EPHX1: variants seen among roughly 807,000 people sequenced by gnomAD.
EPHX1 encodes epoxide hydrolase 1, also known as epoxide hydratase.
EPHX1 carries 40 observed loss-of-function variants against 43.2 expected under a neutral mutation model. That is an observed-to-expected ratio of 0.93 (90% CI 0.72 to 1.21). The LOEUF is 1.21. Among genes scored for constraint, EPHX1 ranks in the 50% most tolerant of loss-of-function variants. EPHX1 has a pLI of 0.00. For missense variants in EPHX1, 550 were observed against 570.4 expected (o/e 0.96, Z 0.36); for synonymous variants, 221 against 226.7 (o/e 0.98, Z 0.22).
intron 3 of EPHX1, among the ~76,000 whole-genome samples, chr1:225,835,349 G>C (rs113513973): frequency 2.0e-5 from 3 of 149,742 alleles, no homozygotes; most frequent in African/African-American, 7.4e-5. Flanking sequence ...CTCTCAAGTA[G>C]CTGGGACCAC....
intron 1 of EPHX1, among the ~76,000 whole-genome samples, chr1:225,812,891 C>T (rs1666552480): frequency 6.6e-6 from 1 of 152,198 alleles, no homozygotes; most frequent in Admixed American, 6.5e-5. Flanking sequence ...AAACCCACCT[C>T]TGCTAGGGCC....
chr1:225,828,943 C>A, intron 2 of EPHX1, 31 bp downstream of exon 2: 1 of 1,553,150 alleles, frequency 6.4e-7, no homozygotes. Flanking sequence ...CCGGGCTGGG[C>A]AGTGGAGAGG....
intron 1 of EPHX1, among the ~76,000 whole-genome samples, chr1:225,826,897 G>A (rs577405304): frequency 1.3e-5 from 2 of 152,214 alleles, no homozygotes; most frequent in East Asian, 3.9e-4. Context: ...AGGGCCTGAG[G>A]GTGGGAAGCT....
At position 225,841,884 on chromosome 1, in the gene EPHX1, A is replaced by G. The variant is rs543798209; in HGVS notation, c.932-482A>G. The stretch of plus-strand genomic sequence containing the variant: ...CTCCCAAAGTGCTGGGATTACAGGC[A>G]TGAGCCAATGCCCCCAGCCTGTTCC... On this transcript the variant is annotated intron_variant, in intron 6 of 8. Coordinates refer to ENST00000272167, the MANE Select transcript of EPHX1 (RefSeq NM_001136018.4). Among the ~76,000 whole-genome samples, 13 of 152,270 alleles carry G rather than the reference A, an allele frequency of 8.5e-5. No individual in the cohort carries two copies. The South Asian group carries it at 1.5e-3, about 17-fold the overall frequency.
At chr1:225,839,438 A>G in intron 5 of EPHX1, 92 bp downstream of exon 5, 6 of 1,571,810 alleles carry the variant, frequency 3.8e-6, no homozygotes, top group South Asian at 1.1e-5. Flanking sequence ...GGGTGGGCCA[A>G]GGACCCCCCA....
intron 3 of EPHX1, among the ~76,000 whole-genome samples, chr1:225,838,216 G>C (rs973764730): frequency 6.6e-6 from 1 of 152,188 alleles, no homozygotes; most frequent in African/African-American, 2.4e-5. Context: ...CTGGACTCCA[G>C]TATACTGTCA....
At chr1:225,835,902 G>A (rs1342643567) in intron 3 of EPHX1, among the ~76,000 whole-genome samples, 2 of 152,042 alleles carry the variant, frequency 1.3e-5, no homozygotes, top group African/African-American at 4.8e-5. Context: ...CTCCAAAAGA[G>A]CCAGTTTCCA....
intron 1 of EPHX1, among the ~76,000 whole-genome samples, chr1:225,815,870 A>ATC (rs1666701646): frequency 6.6e-6 from 1 of 152,218 alleles, no homozygotes; most frequent in African/African-American, 2.4e-5. Flanking sequence ...TTGTTGAGGA[A>ATC]AAGACACCTT....
Position 225,839,759 on chromosome 1 carries a change from C to T in EPHX1, c.723-70C>T, listed in dbSNP as rs556030923. ...TCCTCAGCCCTGAGGCCTGTTCCTC[C>T]GCCATCTCTCCTCTCTCCCTGTCCT... On this transcript the variant is annotated intron_variant, in intron 5 of 8. Transcript: ENST00000272167. 17 of 1,515,630 alleles carry T rather than the reference C, an allele frequency of 1.1e-5. No homozygotes were observed. In the East Asian group the frequency reaches 2.0e-4, roughly 18 times the overall value. The allele number at this position is 1,515,630 out of a possible 1,614,324, so 93.9% of individuals were successfully genotyped here.
At chr1:225,844,856 T>C (rs1287207360) in intron 8 of EPHX1, among the ~76,000 whole-genome samples, 2 of 152,120 alleles carry the variant, frequency 1.3e-5, no homozygotes, top group African/African-American at 4.8e-5. Flanking sequence ...CAGTCTAGGA[T>C]GCTGGTCTGG....
intron 3 of EPHX1, among the ~76,000 whole-genome samples, chr1:225,832,675 C>T (rs1201690272): frequency 6.6e-6 from 1 of 152,248 alleles, no homozygotes; most frequent in Non-Finnish European, 1.5e-5. Context: ...CCCAACAATG[C>T]CTCAGAATCC....
At chr1:225,830,540 C>T (rs375458244) in intron 2 of EPHX1, among the ~76,000 whole-genome samples, 1 of 152,346 alleles carries the variant, frequency 6.6e-6, no homozygotes, top group East Asian at 1.9e-4. Flanking sequence ...TCTTGGCTCA[C>T]TGCAACCTCC....
Position 225,844,560 on chromosome 1 carries a change from T to A in EPHX1, c.1103T>A (p.Ile368Asn). Residue 368 changes from isoleucine to asparagine, a missense_variant, in exon 8 of 9, where the codon ATC becomes AAC. Ile to Asn is a moderately radical substitution (Grantham distance 149). Coordinates refer to ENST00000272167, the MANE Select transcript of EPHX1 (RefSeq NM_001136018.4). ...VMLYWTTGTIISSQRFYKENL... is the reference protein window; with the variant it reads ...VMLYWTTGTINSSQRFYKENL... ...CTCTACTGGACAACAGGCACCATCA[T>A]CTCCTCCCAGCGCTTCTACAAGGAG... 6.2e-7 allele frequency: 1 copy of A among 1,614,002 alleles called. No individual in the cohort carries two copies. Among genetic ancestry groups the A allele is most frequent in the South Asian group, 1.1e-5 (1 of 91,074 alleles).
At chr1:225,828,596 C>A in intron 1 of EPHX1, 129 bp from the exon 2 acceptor site, 2 of 651,218 alleles carry the variant, frequency 3.1e-6, no homozygotes, top group South Asian at 1.9e-5. Flanking sequence ...TATATTAGGT[C>A]AAGTGTAAAT....
chr1:225,837,497 T>TA (rs964210916), intron 3 of EPHX1, among the ~76,000 whole-genome samples: 10 of 151,742 alleles, frequency 6.6e-5, no homozygotes, highest in East Asian at 3.9e-4. Context: ...GCATTGCACT[T>TA]AAAAAAAAAT....
Position 225,839,982 on chromosome 1 carries a change from C to T in EPHX1, c.876C>T (p.Ser292=). 1.9e-6 allele frequency: 3 copies of T among 1,614,206 alleles called. No individual in the cohort carries two copies. The highest frequency in any genetic ancestry group is 3.3e-4 in the Middle Eastern group (2 of 6,060). ...LYPVKEKVFY[S]LMRESGYMHI... The stretch of plus-strand genomic sequence containing the variant: ...CCGTCAAGGAGAAGGTATTCTACAG[C>T]CTGATGAGGGAGAGCGGCTACATGC... Residue 292 remains serine, a synonymous_variant, in exon 6 of 9, where the codon AGC becomes AGT. Transcript: ENST00000272167.
chr1:225,836,939 A>G (rs1426999828), intron 3 of EPHX1, among the ~76,000 whole-genome samples: 1 of 152,246 alleles, frequency 6.6e-6, no homozygotes, highest in Non-Finnish European at 1.5e-5. Flanking sequence ...TGTTCTCGCC[A>G]TATAATAAAA....
chr1:225,813,929 T>C (rs750204752), intron 1 of EPHX1, among the ~76,000 whole-genome samples: 1 of 152,236 alleles, frequency 6.6e-6, no homozygotes, highest in Non-Finnish European at 1.5e-5. Flanking sequence ...TGGAAAATTC[T>C]CCAGCTACTC....
At position 225,841,368 on chromosome 1, in the gene EPHX1, C is replaced by T. The variant is rs560578103; in HGVS notation, c.932-998C>T. On this transcript the variant is annotated intron_variant, in intron 6 of 8. Transcript: ENST00000272167. ...TGTGATCTCAGCTCACTGCAACCTCCGCCTCCCAGGTTCAAGCAATTCTCC... is the reference window on the plus strand; with the variant it reads ...TGTGATCTCAGCTCACTGCAACCTCTGCCTCCCAGGTTCAAGCAATTCTCC... Among the ~76,000 whole-genome samples the T allele has an allele frequency of 5.3e-5, 8 of 152,132 alleles. No individual in the cohort carries two copies. The South Asian group carries it at 8.3e-4, about 16-fold the overall frequency.
Sources: gnomAD v4.1 joint callset for allele counts (sites outside exome capture counted in the v4.1 genomes callset) on GRCh38, gnomAD v4.1.1 for gene constraint, MANE v1.5 for transcripts, NCBI Gene and HGNC (gene_info 2026-07-23, HGNC 2026-07-21) for gene names.